ARHGAP35: variants seen among roughly 807,000 people sequenced by gnomAD.
The protein encoded by ARHGAP35 is Rho GTPase activating protein 35.
In ARHGAP35, 15 loss-of-function variants were observed where a neutral mutation model predicts 111.1. The ratio of observed to expected loss-of-function variants is 0.13; its 90% CI spans 0.09 to 0.21. The LOEUF is 0.21. Among genes scored for constraint, ARHGAP35 ranks in the 10% least tolerant of loss-of-function variants. ARHGAP35 has a pLI of 1.00. For synonymous variants in ARHGAP35, 643 were observed against 710.3 expected (o/e 0.91, Z 1.51); for missense variants, 1,262 against 1,873.0 (o/e 0.67, Z 6.02).
At chr19:46,912,050 T>C (rs1364712145) in intron 1 of ARHGAP35, among the ~76,000 whole-genome samples, 3 of 151,774 alleles carry the variant, frequency 2.0e-5, no homozygotes, top group Admixed American at 6.6e-5. Context: ...CTTTTCTTTT[T>C]TTTTTTTTTT....
chr19:46,933,906 C>T (rs188272608), intron 2 of ARHGAP35, among the ~76,000 whole-genome samples: 33 of 152,330 alleles, frequency 2.2e-4, no homozygotes, highest in African/African-American at 7.2e-4. Flanking sequence ...ATTGTTAGAA[C>T]ACACCAGCAT....
intron 1 of ARHGAP35, among the ~76,000 whole-genome samples, chr19:46,893,873 G>T (rs183178897): frequency 6.9e-6 from 1 of 145,022 alleles, no homozygotes; most frequent in East Asian, 2.0e-4. Context: ...AAGTTCGTTC[G>T]TTCGTTCTTT....
rs775045850 is a variant in ARHGAP35 at position 46,910,458 on chromosome 19, A to AT, written c.-188-8015dup. 3.7e-3 allele frequency among the ~76,000 whole-genome samples: 518 copies of AT among 138,992 alleles called. 2 individuals carry two copies. Among genetic ancestry groups the AT allele is most frequent in the Middle Eastern group, 0.027 (7 of 264 alleles). The allele number at this position is 138,992 out of a possible 152,430, so 91.2% of individuals were successfully genotyped here. A position where few individuals can be genotyped will look rare whatever the true frequency, so the allele number is the denominator to read the frequency against. On this transcript the variant is annotated intron_variant, in intron 1 of 6. Coordinates refer to ENST00000672722, the MANE Select transcript of ARHGAP35 (RefSeq NM_004491.5). ...TGGCATGCACCACCTCACCCAGCGA[A>AT]TTTTTTTTTTTTTTTGTATTTTGGG...
rs1310722605 is a variant in ARHGAP35 at position 46,918,922 on chromosome 19, C to G, written c.247C>G (p.Leu83Val). Reference sequence around the variant, plus strand: ...CTACTGGGGAGAAGTTAGCCGCTCCCTGGAGGATTGTGTGGAATGTAAGAT... The same window carrying G: ...CTACTGGGGAGAAGTTAGCCGCTCCGTGGAGGATTGTGTGGAATGTAAGAT... Reference protein sequence around the residue: ...FLYWGEVSRSLEDCVECKMHI... With the variant: ...FLYWGEVSRSVEDCVECKMHI... The change falls in exon 2 of 7, where the codon CTG becomes GTG. Residue 83 changes from leucine (L) to valine (V), a missense_variant. Transcript: ENST00000672722. The surrounding 1 kb of genome is among the most constrained non-coding windows in gnomAD (Gnocchi z 5.4). 3 of 1,613,836 alleles carry G rather than the reference C, an allele frequency of 1.9e-6. No individual in the cohort carries two copies.
chr19:46,972,163 C>G (rs1312427691), intron 3 of ARHGAP35, among the ~76,000 whole-genome samples: 1 of 152,210 alleles, frequency 6.6e-6, no homozygotes, highest in Admixed American at 6.5e-5. Context: ...CGTGCATCAG[C>G]ACGCCAGGCT....
At chr19:46,985,920 C>T (rs1379493963) in intron 3 of ARHGAP35, among the ~76,000 whole-genome samples, 1 of 152,112 alleles carries the variant, frequency 6.6e-6, no homozygotes, top group East Asian at 1.9e-4. Context: ...AGGCCAGTTG[C>T]TTTTATCTTG....
At chr19:46,987,885 C>T (rs1437968320) in intron 3 of ARHGAP35, 104 bp from the exon 4 acceptor site, 17 of 1,050,306 alleles carry the variant, frequency 1.6e-5, no homozygotes, top group Middle Eastern at 2.0e-4. Flanking sequence ...TTGTGGTGGG[C>T]ACCTCATGGA....
At chr19:46,959,942 A>AAT (rs1568480061) in intron 3 of ARHGAP35, among the ~76,000 whole-genome samples, 2 of 145,168 alleles carry the variant, frequency 1.4e-5, no homozygotes, top group African/African-American at 2.5e-5. Flanking sequence ...TACAAAAAAA[A>AAT]TTTTTTTTTT....
rs545115711 is a variant in ARHGAP35 at position 46,994,351 on chromosome 19, C to T, written c.4036+4676C>T. On this transcript the variant is annotated intron_variant, in intron 5 of 6. Coordinates refer to ENST00000672722, the MANE Select transcript of ARHGAP35 (RefSeq NM_004491.5). The surrounding 1 kb of genome is among the most constrained non-coding windows in gnomAD (Gnocchi z 5.4). Reference sequence around the variant, plus strand: ...AGTGGCTGCCCTGAGTGTGCCGCTGCCCTGTGACCAGGTCCACACAGACTG... The same window carrying T: ...AGTGGCTGCCCTGAGTGTGCCGCTGTCCTGTGACCAGGTCCACACAGACTG... Among the ~76,000 whole-genome samples the T allele has an allele frequency of 6.6e-6, 1 of 152,310 alleles. No homozygotes were observed. Among genetic ancestry groups the T allele is most frequent in the South Asian group, 2.1e-4 (1 of 4,830 alleles).
intron 1 of ARHGAP35, among the ~76,000 whole-genome samples, chr19:46,863,676 G>A (rs955070951): frequency 6.7e-6 from 1 of 149,028 alleles, no homozygotes; most frequent in East Asian, 2.0e-4. Flanking sequence ...CTCCCCCCCA[G>A]CTAACAAGTT....
intron 3 of ARHGAP35, among the ~76,000 whole-genome samples, chr19:46,963,185 G>A (rs2122275233): frequency 6.6e-6 from 1 of 152,178 alleles, no homozygotes; most frequent in South Asian, 2.1e-4. Context: ...CTTTTCTGTG[G>A]GGGTTCTATC....
chr19:46,891,248 A>T (rs2056021981), intron 1 of ARHGAP35, among the ~76,000 whole-genome samples: 1 of 152,208 alleles, frequency 6.6e-6, no homozygotes, highest in Non-Finnish European at 1.5e-5. Context: ...GGTGAGGATT[A>T]TAAACCATGG....
chr19:46,983,906 C>T (rs1185084361), intron 3 of ARHGAP35, among the ~76,000 whole-genome samples: 1 of 152,164 alleles, frequency 6.6e-6, no homozygotes, highest in African/African-American at 2.4e-5. Context: ...TGAGCCACTG[C>T]ACCCAGCCTT....
chr19:46,911,523 G>C (rs2056137813), intron 1 of ARHGAP35, among the ~76,000 whole-genome samples: 1 of 152,200 alleles, frequency 6.6e-6, no homozygotes, highest in African/African-American at 2.4e-5. Context: ...GAAATATGCA[G>C]AAAGGAGGGA....
At chr19:46,933,923 G>A (rs1326608136) in intron 2 of ARHGAP35, among the ~76,000 whole-genome samples, 3 of 152,196 alleles carry the variant, frequency 2.0e-5, no homozygotes, top group Non-Finnish European at 2.9e-5. Flanking sequence ...GCATCATCTT[G>A]TTCCTAGTAT....
chr19:46,891,730 A>G (rs1278591444), intron 1 of ARHGAP35, among the ~76,000 whole-genome samples: 1 of 152,026 alleles, frequency 6.6e-6, no homozygotes, highest in African/African-American at 2.4e-5. Context: ...CGGCCAGGGC[A>G]AAGGTTCTTA....
intron 2 of ARHGAP35, among the ~76,000 whole-genome samples, chr19:46,930,792 A>G (rs1263206061): frequency 2.6e-5 from 4 of 151,758 alleles, no homozygotes; most frequent in Non-Finnish European, 5.9e-5. Context: ...TGGTACCTAG[A>G]TGAGCTTTGT....
intron 3 of ARHGAP35, among the ~76,000 whole-genome samples, chr19:46,941,907 TTGAA>T (rs2056349657): frequency 7.0e-6 from 1 of 143,304 alleles, no homozygotes; most frequent in African/African-American, 2.6e-5. Context: ...AAAAGATAGA[TTGAA>T]TGAGTGGTTT....
chr19:46,863,404 G>A (rs1287674118), intron 1 of ARHGAP35, among the ~76,000 whole-genome samples: 1 of 152,128 alleles, frequency 6.6e-6, no homozygotes, highest in African/African-American at 2.4e-5. Flanking sequence ...ACTTCCACTA[G>A]GTTAGTAGTG....
Sources: allele counts gnomAD v4.1 joint callset (sites outside exome capture counted in the v4.1 genomes callset), GRCh38; gene constraint gnomAD v4.1.1; non-coding constraint Gnocchi (gnomAD v3.1); transcripts MANE v1.5; gene names NCBI Gene and HGNC (gene_info 2026-07-23, HGNC 2026-07-21).